The following GALNT18 variants were observed in gnomAD, a reference collection of about 807,000 sequenced individuals.
GALNT18 encodes GalNAc-transferase 18.
In GALNT18, 44 loss-of-function variants were observed where a neutral mutation model predicts 69.5. That is an observed-to-expected ratio of 0.63 (90% CI 0.50 to 0.81). The LOEUF (loss-of-function observed/expected upper bound fraction) is 0.81. Ranked by LOEUF, GALNT18 falls within the 40% of genes least tolerant of loss-of-function variation. The pLI is 0.00. For missense variants in GALNT18, 715 were observed against 810.0 expected (o/e 0.88, Z 1.42); for synonymous variants, 364 against 318.2 (o/e 1.14, Z -1.53).
rs375397585 is a variant in GALNT18, at chr11:11,543,795, C to T, written c.235+77564G>A. 8.3e-4 allele frequency among the ~76,000 whole-genome samples: 127 copies of T among 152,310 alleles called. No homozygotes were observed. The highest frequency in any genetic ancestry group is 3.4e-3 in the Middle Eastern group (1 of 294). On this transcript the variant is annotated intron_variant, in intron 1 of 10. Coordinates refer to ENST00000227756, the MANE Select transcript of GALNT18 (RefSeq NM_198516.3). The surrounding 1 kb of genome is among the most constrained non-coding windows in gnomAD (Gnocchi z 5.1). Reference sequence around the variant, plus strand: ...TGTGACTGGGGCCCCGAATGTGCCACGGTGGGTGGGTGTGGTTATTGCTCC... The same window carrying T: ...TGTGACTGGGGCCCCGAATGTGCCATGGTGGGTGGGTGTGGTTATTGCTCC...
chr11:11,289,364 T>C (rs1849256390), intron 10 of GALNT18, among the ~76,000 whole-genome samples: 1 of 152,226 alleles, frequency 6.6e-6, no homozygotes, highest in Admixed American at 6.5e-5. Context: ...GCCAAAGCAC[T>C]CCGGGGAGTT....
intron 3 of GALNT18, among the ~76,000 whole-genome samples, chr11:11,398,037 C>T (rs929564846): frequency 6.6e-6 from 1 of 152,192 alleles, no homozygotes; most frequent in African/African-American, 2.4e-5. Flanking sequence ...CTGCAATGTT[C>T]CCTCACTGAA....
chr11:11,581,499 G>A (rs116734292), intron 1 of GALNT18, among the ~76,000 whole-genome samples: 112 of 152,202 alleles, frequency 7.4e-4, no homozygotes, highest in African/African-American at 2.1e-3. Flanking sequence ...ACAGGGGCAC[G>A]CTACAGTGAG....
At chr11:11,581,369 T>C (rs1333933270) in intron 1 of GALNT18, among the ~76,000 whole-genome samples, 1 of 152,218 alleles carries the variant, frequency 6.6e-6, no homozygotes, top group Non-Finnish European at 1.5e-5. Context: ...AGCCAGGTGC[T>C]GGTCATGTGT....
chr11:11,367,001 C>T (rs546967949), intron 6 of GALNT18, among the ~76,000 whole-genome samples: 9 of 152,178 alleles, frequency 5.9e-5, no homozygotes, highest in Non-Finnish European at 1.2e-4. Context: ...CTTTAATAAG[C>T]TATTCTCTAA....
Position 11,337,143 on chromosome 11 carries a change from C to G in GALNT18, c.1278+3676G>C, listed in dbSNP as rs910437313. ...CTCAAAATCCTCTCTGAGGATGAGACCCAGATGAGTATTTTTTTAAAAGTT... is the reference window on the plus strand; with the variant it reads ...CTCAAAATCCTCTCTGAGGATGAGAGCCAGATGAGTATTTTTTTAAAAGTT... On this transcript the variant is annotated intron_variant, in intron 7 of 10. Transcript: ENST00000227756. The surrounding 1 kb of genome is among the most constrained non-coding windows in gnomAD (Gnocchi z 4.9). 7.9e-5 allele frequency among the ~76,000 whole-genome samples: 12 copies of G among 152,216 alleles called. No homozygotes were observed. The highest frequency in any genetic ancestry group is 1.9e-4 in the East Asian group (1 of 5,166).
intron 6 of GALNT18, among the ~76,000 whole-genome samples, chr11:11,355,595 G>A (rs1279351319): frequency 6.6e-6 from 1 of 152,134 alleles, no homozygotes; most frequent in Non-Finnish European, 1.5e-5. Context: ...TATGCCAAAT[G>A]TATAAGGTCC....
intron 10 of GALNT18, among the ~76,000 whole-genome samples, chr11:11,281,590 G>A (rs967961254): frequency 6.6e-6 from 1 of 152,154 alleles, no homozygotes; most frequent in Non-Finnish European, 1.5e-5. Flanking sequence ...AGACACCACA[G>A]CCCTTTCTTT....
intron 1 of GALNT18, among the ~76,000 whole-genome samples, chr11:11,615,686 A>T (rs1860026430): frequency 6.6e-6 from 1 of 152,204 alleles, no homozygotes; most frequent in Non-Finnish European, 1.5e-5. Context: ...ACTTTTTATA[A>T]AATGAAATAT....
chr11:11,279,962 G>T (rs1007682079), intron 10 of GALNT18, among the ~76,000 whole-genome samples: 1 of 151,870 alleles, frequency 6.6e-6, no homozygotes, highest in African/African-American at 2.4e-5. Context: ...GATGAAGGAG[G>T]CAGGGACTGA....
At chr11:11,370,587 G>C (rs1045215815) in intron 6 of GALNT18, among the ~76,000 whole-genome samples, 2 of 100,850 alleles carry the variant, frequency 2.0e-5, no homozygotes, top group African/African-American at 8.4e-5. Flanking sequence ...AAGAGATGGA[G>C]GAAAAAAAAA....
In GALNT18 at chr11:11,595,193, A is replaced by G. The variant is rs1482161233; in HGVS notation, c.235+26166T>C. 6.6e-6 allele frequency among the ~76,000 whole-genome samples: 1 copy of G among 152,102 alleles called. No individual in the cohort carries two copies. The highest frequency in any genetic ancestry group is 1.5e-5 in the Non-Finnish European group (1 of 68,034). ...ATTTTGCCCCAAAATTCATATGTTG[A>G]AATCTAATCACCAAGGTGATGTCTT... On this transcript the variant is annotated intron_variant, in intron 1 of 10. Transcript: ENST00000227756. This position sits in a 1 kb window ranked among gnomAD's most constrained non-coding sequence, Gnocchi z 5.2.
intron 1 of GALNT18, among the ~76,000 whole-genome samples, chr11:11,462,348 C>T (rs1856063354): frequency 6.6e-6 from 1 of 151,400 alleles, no homozygotes; most frequent in Admixed American, 6.6e-5. Context: ...ATGATCTCAG[C>T]TCACTGCAAC....
chr11:11,567,409 G>A (rs969575233), intron 1 of GALNT18, among the ~76,000 whole-genome samples: 1 of 152,090 alleles, frequency 6.6e-6, no homozygotes, highest in South Asian at 2.1e-4. Flanking sequence ...TTGGAGGCTC[G>A]GTATCTTAAG....
In GALNT18 at chr11:11,617,228, T is replaced by G. The variant is rs1448315309; in HGVS notation, c.235+4131A>C. ...ATATTTAATTGTATGTATGTAATAC[T>G]TTGTTGTACTCTCCTCTTTAACCAA... is the stretch of plus-strand genomic sequence containing the variant. On this transcript the variant is annotated intron_variant, in intron 1 of 10. Transcript: ENST00000227756. The surrounding 1 kb of genome is among the most constrained non-coding windows in gnomAD (Gnocchi z 4.7). 6.6e-6 allele frequency among the ~76,000 whole-genome samples: 1 copy of G among 152,244 alleles called. No homozygotes were observed. Among genetic ancestry groups the G allele is most frequent in the Non-Finnish European group, 1.5e-5 (1 of 68,044 alleles).
In GALNT18 at chr11:11,372,195, T is replaced by C. The variant is rs1328204283; in HGVS notation, c.1092+320A>G. Among the ~76,000 whole-genome samples, 2 of 152,180 alleles carry C rather than the reference T, an allele frequency of 1.3e-5. No individual in the cohort carries two copies. Among genetic ancestry groups the C allele is most frequent in the African/African-American group, 4.8e-5 (2 of 41,436 alleles). On this transcript the variant is annotated intron_variant, in intron 6 of 10. Coordinates refer to ENST00000227756, the MANE Select transcript of GALNT18 (RefSeq NM_198516.3). This position sits in a 1 kb window ranked among gnomAD's most constrained non-coding sequence, Gnocchi z 4.9. Reference sequence around the variant, plus strand: ...CTCTTGTCCAGCCACTCTCGATGCCTGTTATTGCTTCCTAGAGCACACCTT... The same window carrying C: ...CTCTTGTCCAGCCACTCTCGATGCCCGTTATTGCTTCCTAGAGCACACCTT...
At chr11:11,471,723 C>T (rs1156267810) in intron 1 of GALNT18, among the ~76,000 whole-genome samples, 1 of 151,968 alleles carries the variant, frequency 6.6e-6, no homozygotes, top group African/African-American at 2.4e-5. Context: ...TTGTTACCTG[C>T]CTGGGGGTAC....
At chr11:11,412,091 A>T (rs1333814136) in intron 3 of GALNT18, among the ~76,000 whole-genome samples, 6 of 152,068 alleles carry the variant, frequency 3.9e-5, no homozygotes, top group African/African-American at 1.2e-4. Flanking sequence ...TCTGGATGGG[A>T]CACCAAGAGC....
Position 11,614,345 on chromosome 11 carries a change from T to A in GALNT18, c.235+7014A>T, listed in dbSNP as rs542162718. On this transcript the variant is annotated intron_variant, in intron 1 of 10. Transcript: ENST00000227756. The surrounding 1 kb of genome is among the most constrained non-coding windows in gnomAD (Gnocchi z 5.6). ...GGGGTGAGAGAGAGAGGCAAGAGAG[T>A]GAGGAGAAGAAGAAGAAGAGGAGGA... 2.2e-3 allele frequency among the ~76,000 whole-genome samples: 284 copies of A among 128,640 alleles called. 2 individuals carry two copies. Among genetic ancestry groups the A allele is most frequent in the African/African-American group, 8.7e-3 (273 of 31,468 alleles). The allele number at this position is 128,640 out of a possible 152,430, so 84.4% of individuals were successfully genotyped here.
Sources: gnomAD v4.1 joint callset for allele counts (sites outside exome capture counted in the v4.1 genomes callset) on GRCh38, gnomAD v4.1.1 for gene constraint, Gnocchi (gnomAD v3.1) non-coding constraint, MANE v1.5 for transcripts, NCBI Gene and HGNC (gene_info 2026-07-23, HGNC 2026-07-21) for gene names.